FAM184A: variants seen among roughly 807,000 people sequenced by gnomAD.
FAM184A encodes protein FAM184A.
A neutral mutation model predicts 143.8 loss-of-function variants in FAM184A; 99 were observed. That is an observed-to-expected ratio of 0.69 (90% confidence interval 0.58 to 0.81). The LOEUF is 0.81. Ranked by LOEUF, FAM184A falls within the 40% of genes least tolerant of loss-of-function variation. The probability of loss-of-function intolerance (pLI) is 0.00; values close to 1 mark genes in which losing one functional copy is unlikely to be tolerated. For missense variants in FAM184A, 1,217 were observed against 1,310.5 expected (o/e 0.93, Z 1.10); for synonymous variants, 427 against 446.4 (o/e 0.96, Z 0.55).
At chr6:119,040,309 G>C (rs1259647450) in intron 1 of FAM184A, among the ~76,000 whole-genome samples, 2 of 152,162 alleles carry the variant, frequency 1.3e-5, no homozygotes, top group African/African-American at 4.8e-5. Flanking sequence ...ATTTGTTGCC[G>C]TGACTTGGAT....
chr6:119,106,819 A>T (rs544281681), intron 1 of FAM184A, among the ~76,000 whole-genome samples: 7 of 152,346 alleles, frequency 4.6e-5, no homozygotes, highest in African/African-American at 1.7e-4. Flanking sequence ...TTTATTTCAC[A>T]CTACAAAAAG....
chr6:119,122,545 G>T (rs934611671), intron 1 of FAM184A, among the ~76,000 whole-genome samples: 1 of 152,148 alleles, frequency 6.6e-6, no homozygotes, highest in Admixed American at 6.5e-5. Context: ...TATTCAATAA[G>T]CTGTAAAAGG....
intron 1 of FAM184A, among the ~76,000 whole-genome samples, chr6:119,058,530 G>A (rs1298913523): frequency 6.6e-6 from 1 of 152,048 alleles, no homozygotes; most frequent in Non-Finnish European, 1.5e-5. Context: ...AATCTAGGCT[G>A]GCCTCAATGA....
chr6:119,059,090 G>A (rs1426520241), intron 1 of FAM184A, among the ~76,000 whole-genome samples: 4 of 151,912 alleles, frequency 2.6e-5, no homozygotes, highest in African/African-American at 9.7e-5. Context: ...TCCACCTCCC[G>A]GGTTCAAGCA....
At chr6:118,983,548 A>T (rs1213373392) in intron 9 of FAM184A, among the ~76,000 whole-genome samples, 1 of 152,136 alleles carries the variant, frequency 6.6e-6, no homozygotes, top group African/African-American at 2.4e-5. Flanking sequence ...GTTTCTATAC[A>T]TTCGTTAAAA....
chr6:119,066,483 T>C (rs760699069), intron 1 of FAM184A, among the ~76,000 whole-genome samples: 2 of 152,182 alleles, frequency 1.3e-5, no homozygotes, highest in African/African-American at 2.4e-5. Flanking sequence ...GTTCTAGGTA[T>C]TAGAACGTGA....
chr6:119,134,735 A>C (rs554836050), intron 1 of FAM184A, among the ~76,000 whole-genome samples: 13 of 152,118 alleles, frequency 8.5e-5, no homozygotes, highest in African/African-American at 2.9e-4. Context: ...CAATATACTC[A>C]CTGAGATCAC....
At chr6:118,965,917 T>A (rs1167451930) in intron 15 of FAM184A, among the ~76,000 whole-genome samples, 1 of 152,196 alleles carries the variant, frequency 6.6e-6, no homozygotes, top group Non-Finnish European at 1.5e-5. Flanking sequence ...AGTCTGCTGC[T>A]ACCAGATGCA....
rs1347430774 is a variant in FAM184A, at chr6:119,059,239, C to G, written c.159+18902G>C. 2.6e-5 allele frequency among the ~76,000 whole-genome samples: 4 copies of G among 152,304 alleles called. No individual in the cohort carries two copies. In the East Asian group the frequency reaches 7.7e-4, roughly 29 times the overall value. On this transcript the variant is annotated intron_variant, in intron 1 of 17. Transcript: ENST00000338891. Reference sequence around the variant, plus strand: ...AAGCAATCCTCCCACCTCGGCCTCCCAAAATGTGGGGATTATAGGTGTGAA... The same window carrying G: ...AAGCAATCCTCCCACCTCGGCCTCCGAAAATGTGGGGATTATAGGTGTGAA...
At chr6:119,093,873 G>A (rs370367520) in intron 1 of FAM184A, among the ~76,000 whole-genome samples, 23 of 152,212 alleles carry the variant, frequency 1.5e-4, no homozygotes, top group African/African-American at 5.3e-4. Context: ...GATCTTTAGC[G>A]TAGAAGACCT....
chr6:119,047,748 C>A (rs915320817), intron 1 of FAM184A, among the ~76,000 whole-genome samples: 4 of 151,744 alleles, frequency 2.6e-5, no homozygotes, highest in South Asian at 2.1e-4. Flanking sequence ...GCCTAAAAAC[C>A]AAAAAAAGCC....
intron 1 of FAM184A, among the ~76,000 whole-genome samples, chr6:119,072,603 G>C (rs1225880626): frequency 1.3e-5 from 2 of 152,136 alleles, no homozygotes; most frequent in Non-Finnish European, 2.9e-5. Context: ...AACACATTCT[G>C]GTTTTGGATA....
At chr6:119,041,114 A>C (rs937081073) in intron 1 of FAM184A, among the ~76,000 whole-genome samples, 2 of 152,156 alleles carry the variant, frequency 1.3e-5, no homozygotes, top group African/African-American at 4.8e-5. Context: ...GTAGCAGTTA[A>C]TGGAGAAATA....
At chr6:119,082,282 C>G (rs1348181644), upstream of FAM184A, among the ~76,000 whole-genome samples, 1 of 152,162 alleles carries the variant, frequency 6.6e-6, no homozygotes, top group Non-Finnish European at 1.5e-5. Flanking sequence ...TGAGTGGAGA[C>G]ACAGAGCCAA....
intron 11 of FAM184A, among the ~76,000 whole-genome samples, chr6:118,976,519 C>G (rs1027536733): frequency 1.3e-5 from 2 of 151,878 alleles, no homozygotes; most frequent in Non-Finnish European, 2.9e-5. Flanking sequence ...AAAAAATTAG[C>G]CAGGCATGGT....
chr6:119,123,367 C>T (rs577249795), intron 1 of FAM184A, among the ~76,000 whole-genome samples: 49 of 151,770 alleles, frequency 3.2e-4, no homozygotes, highest in Non-Finnish European at 6.2e-4. Flanking sequence ...CTACCTTGGG[C>T]GACAGAGTGA....
intron 1 of FAM184A, among the ~76,000 whole-genome samples, chr6:119,056,243 G>A (rs1446974060): frequency 6.6e-6 from 1 of 152,054 alleles, no homozygotes; most frequent in African/African-American, 2.4e-5. Context: ...TTTAAGATAG[G>A]GTCAGACAGA....
At chr6:118,987,906 C>A (rs1489247583) in intron 9 of FAM184A, among the ~76,000 whole-genome samples, 1 of 152,080 alleles carries the variant, frequency 6.6e-6, no homozygotes, top group East Asian at 1.9e-4. Flanking sequence ...TATGCATACA[C>A]AAATGAATGA....
At position 119,078,076 on chromosome 6, in the gene FAM184A, G is replaced by C. The variant is rs530892109; in HGVS notation, c.159+65C>G. 29 of 1,519,858 alleles carry C rather than the reference G, an allele frequency of 1.9e-5. 1 individual carries two copies. In the Admixed American group the frequency reaches 2.6e-4, roughly 14 times the overall value. 94.1% of individuals were successfully genotyped at this position (1,519,858 alleles called of 1,614,324 possible). On this transcript the variant is annotated intron_variant, in intron 1 of 17. Coordinates refer to ENST00000338891, the MANE Select transcript of FAM184A (RefSeq NM_024581.6). This position sits in a 1 kb window ranked among gnomAD's most constrained non-coding sequence, Gnocchi z 5.5. ...GGGCGCAGGGCGCACTGCCTCCCGGGGAGACAGGTGAGTCCGGCGCGGCCC... is the reference window on the plus strand; with the variant it reads ...GGGCGCAGGGCGCACTGCCTCCCGGCGAGACAGGTGAGTCCGGCGCGGCCC...
Sources: allele counts gnomAD v4.1 joint callset (sites outside exome capture counted in the v4.1 genomes callset), GRCh38; gene constraint gnomAD v4.1.1; non-coding constraint Gnocchi (gnomAD v3.1); transcripts MANE v1.5; gene names NCBI Gene and HGNC (gene_info 2026-07-23, HGNC 2026-07-21).